The following VCL variants were observed in gnomAD, a reference collection of about 807,000 sequenced individuals.
VCL encodes vinculin, also known as epididymis luminal protein 114.
A neutral mutation model predicts 125.7 loss-of-function variants in VCL; 47 were observed. The ratio of observed to expected loss-of-function variants is 0.37; its 90% CI spans 0.30 to 0.48. The LOEUF (loss-of-function observed/expected upper bound fraction) is 0.48, where lower values mean the gene tolerates loss of function less well. Among genes scored for constraint, VCL ranks in the 20% least tolerant of loss-of-function variants. The pLI, the probability that VCL is intolerant of heterozygous loss-of-function variation, is 0.99. For synonymous variants in VCL, 458 were observed against 514.6 expected (o/e 0.89, Z 1.49); for missense variants, 1,069 against 1,455.5 (o/e 0.73, Z 4.32).
Position 74,049,038 on chromosome 10 carries a change from C to T in VCL, c.239+5885C>T, listed in dbSNP as rs866067893. Among the ~76,000 whole-genome samples, 44 of 152,190 alleles carry T rather than the reference C, an allele frequency of 2.9e-4. 1 individual carries two copies. The highest frequency in any genetic ancestry group is 9.6e-4 in the East Asian group (5 of 5,186). ...CAGGAGAATGCGTGAACCCAGGAGG[C>T]GGAGTTTGCAGTGAGCTGAGATTGC... On this transcript the variant is annotated intron_variant, in intron 2 of 21. Coordinates refer to ENST00000211998, the MANE Select transcript of VCL (RefSeq NM_014000.3).
At chr10:74,109,811 T>C (rs1308051230) in intron 18 of VCL, among the ~76,000 whole-genome samples, 1 of 152,232 alleles carries the variant, frequency 6.6e-6, no homozygotes, top group Non-Finnish European at 1.5e-5. Context: ...CAGTAGCTTT[T>C]CTAGATAAGA....
chr10:74,107,862 C>T (rs1254066482), intron 17 of VCL, among the ~76,000 whole-genome samples: 1 of 151,964 alleles, frequency 6.6e-6, no homozygotes, highest in Non-Finnish European at 1.5e-5. Flanking sequence ...TCCCCACTAC[C>T]CCCCGCAAGT....
At position 74,072,748 on chromosome 10, in the gene VCL, A is replaced by C; in HGVS notation, c.518A>C (p.Lys173Thr). ...GCCCCAGGAATGACTAAGATGGCCA[A>C]GATGATTGACGAGAGACAGCAGGAG... ...NLGPGMTKMA[K>T]MIDERQQELT... is the part of the protein sequence containing the mutation. The change falls in exon 5 of 22, where the codon AAG becomes ACG. Residue 173 changes from lysine to threonine, a missense_variant. Transcript: ENST00000211998. 1 of 1,614,042 alleles carries C rather than the reference A, an allele frequency of 6.2e-7. No homozygotes were observed. The highest frequency in any genetic ancestry group is 1.7e-5 in the Admixed American group (1 of 60,012).
intron 1 of VCL, among the ~76,000 whole-genome samples, chr10:74,023,207 G>A (rs1840705554): frequency 6.6e-6 from 1 of 152,180 alleles, no homozygotes; most frequent in South Asian, 2.1e-4. Flanking sequence ...GGTACCATAA[G>A]ATAATAATAT....
intron 1 of VCL, among the ~76,000 whole-genome samples, chr10:74,016,199 A>G (rs1279631082): frequency 2.0e-5 from 3 of 152,148 alleles, no homozygotes; most frequent in Non-Finnish European, 4.4e-5. Flanking sequence ...CAGTTTTGAT[A>G]GTCTCTTGTT....
At chr10:74,072,944 T>TA in intron 5 of VCL, 92 bp downstream of exon 5, 1 of 1,543,070 alleles carries the variant, frequency 6.5e-7, no homozygotes, top group Non-Finnish European at 8.8e-7. Flanking sequence ...TGTTTTCTTT[T>TA]CTTTTTTTTT....
chr10:74,007,467 G>A (rs766505208), intron 1 of VCL, among the ~76,000 whole-genome samples: 6 of 152,026 alleles, frequency 3.9e-5, no homozygotes, highest in Non-Finnish European at 7.4e-5. Context: ...TCAGTGGCAG[G>A]GACAATATGC....
intron 8 of VCL, among the ~76,000 whole-genome samples, chr10:74,083,859 TTTTGTTTG>T (rs201437076): frequency 3.3e-5 from 5 of 150,524 alleles, no homozygotes; most frequent in Admixed American, 6.6e-5. Context: ...ACCTGGCTAA[TTTTGTTTG>T]TTTGTTTGTT....
rs530772856 is a variant in VCL at position 74,108,034 on chromosome 10, C to A, written c.2559+680C>A. The stretch of plus-strand genomic sequence containing the variant: ...GTAAATAACTTATCAAGGCAATAAT[C>A]TGATTTACTTTCCCATATTTAATGT... On this transcript the variant is annotated intron_variant, in intron 17 of 21. Transcript: ENST00000211998. 2.0e-5 allele frequency among the ~76,000 whole-genome samples: 3 copies of A among 152,306 alleles called. No individual in the cohort carries two copies. The South Asian group carries it at 6.2e-4, about 32-fold the overall frequency.
At chr10:74,044,121 A>AT (rs1245689193) in intron 2 of VCL, among the ~76,000 whole-genome samples, 1 of 152,072 alleles carries the variant, frequency 6.6e-6, no homozygotes, top group African/African-American at 2.4e-5. Context: ...AAAAAAAAAA[A>AT]ATTATTGTTT....
At chr10:74,013,160 C>T (rs921087654) in intron 1 of VCL, among the ~76,000 whole-genome samples, 3 of 152,114 alleles carry the variant, frequency 2.0e-5, no homozygotes, top group Middle Eastern at 3.4e-3. Flanking sequence ...TTTTCTGCTG[C>T]GATCAAAAAC....
chr10:74,063,424 A>G (rs1378111704), intron 2 of VCL, among the ~76,000 whole-genome samples: 1 of 152,190 alleles, frequency 6.6e-6, no homozygotes, highest in African/African-American at 2.4e-5. Flanking sequence ...AAACTCTAGA[A>G]AAGACTCTGT....
rs2229507 is a variant in VCL at position 74,094,325 on chromosome 10, C to T, written c.1407C>T (p.Ala469=). Residue 469 remains alanine, a synonymous_variant, in exon 11 of 22, where the codon GCC becomes GCT. Coordinates refer to ENST00000211998, the MANE Select transcript of VCL (RefSeq NM_014000.3). ...CCTTGGCCAAACAGGTGGCCACGGC[C>T]CTGCAGAACCTGCAGACCAAAACCA... ...ARALAKQVAT[A]LQNLQTKTNR... 23,934 of 1,613,982 alleles carry T rather than the reference C, an allele frequency of 0.015. 1,802 individuals carry two copies. The African/African-American group carries it at 0.21, about 14-fold the overall frequency.
chr10:74,072,949 T>TA, intron 5 of VCL, 97 bp downstream of exon 5: 1 of 1,548,014 alleles, frequency 6.5e-7, no homozygotes, highest in South Asian at 1.2e-5. Context: ...TCTTTTCTTT[T>TA]TTTTTTTTTT....
In VCL at chr10:74,039,285, C is replaced by T. The variant is rs188590754; in HGVS notation, c.169-3798C>T. Among the ~76,000 whole-genome samples the T allele has an allele frequency of 2.1e-4, 30 of 140,498 alleles. No individual in the cohort carries two copies. In the East Asian group the frequency reaches 7.0e-3, roughly 33 times the overall value. The allele number at this position is 140,498 out of a possible 152,430, so 92.2% of individuals were successfully genotyped here. Reference sequence around the variant, plus strand: ...CACCCCACCCAGTCCAAGAGCAAGTCCTAATAATATTTCTTCCGTAAAAAG... The same window carrying T: ...CACCCCACCCAGTCCAAGAGCAAGTTCTAATAATATTTCTTCCGTAAAAAG... On this transcript the variant is annotated intron_variant, in intron 1 of 21. Coordinates refer to ENST00000211998, the MANE Select transcript of VCL (RefSeq NM_014000.3).
chr10:74,009,608 C>T (rs1360459467), intron 1 of VCL, among the ~76,000 whole-genome samples: 1 of 151,520 alleles, frequency 6.6e-6, no homozygotes, highest in African/African-American at 2.4e-5. Flanking sequence ...GCTGTCTTAC[C>T]TTATTTATTA....
In VCL at chr10:74,117,295, A is replaced by G. The variant is rs377011560; in HGVS notation, c.3259-728A>G. Reference sequence around the variant, plus strand: ...AGTATGAAGACAGAAAAAACCCTCAAAACTCCCAAACAACCTAGGTAAAAT... The same window carrying G: ...AGTATGAAGACAGAAAAAACCCTCAGAACTCCCAAACAACCTAGGTAAAAT... On this transcript the variant is annotated intron_variant, in intron 21 of 21. Coordinates refer to ENST00000211998, the MANE Select transcript of VCL (RefSeq NM_014000.3). 2.5e-4 allele frequency among the ~76,000 whole-genome samples: 38 copies of G among 152,282 alleles called. 1 individual carries two copies. Among genetic ancestry groups the G allele is most frequent in the Middle Eastern group, 6.8e-3 (2 of 294 alleles).
Position 74,100,705 on chromosome 10 carries a change from T to C in VCL, c.1873-243T>C, listed in dbSNP as rs145840044. Among the ~76,000 whole-genome samples, 42 of 152,164 alleles carry C rather than the reference T, an allele frequency of 2.8e-4. No homozygotes were observed. In the East Asian group the frequency reaches 7.7e-3, roughly 28 times the overall value. Reference sequence around the variant, plus strand: ...GCACTGGTTGAACTGGAAATGAAGGTTATGTGCGTGTGTGTGTGAGTGTGT... The same window carrying C: ...GCACTGGTTGAACTGGAAATGAAGGCTATGTGCGTGTGTGTGTGAGTGTGT... On this transcript the variant is annotated intron_variant, in intron 13 of 21. Coordinates refer to ENST00000211998, the MANE Select transcript of VCL (RefSeq NM_014000.3).
chr10:74,026,944 A>G (rs1361206038), intron 1 of VCL, among the ~76,000 whole-genome samples: 1 of 152,230 alleles, frequency 6.6e-6, no homozygotes, highest in Non-Finnish European at 1.5e-5. Flanking sequence ...TTACTTTTCC[A>G]TGGAGACAAT....
Sources: gnomAD v4.1 joint callset for allele counts (sites outside exome capture counted in the v4.1 genomes callset) on GRCh38, gnomAD v4.1.1 for gene constraint, MANE v1.5 for transcripts, NCBI Gene and HGNC (gene_info 2026-07-23, HGNC 2026-07-21) for gene names.